ACOX1: variants seen among roughly 807,000 people sequenced by gnomAD.
ACOX1 encodes acyl-CoA oxidase 1.
A neutral mutation model predicts 75.5 loss-of-function variants in ACOX1; 41 were observed. That is an observed-to-expected ratio of 0.54 (90% confidence interval 0.42 to 0.70). The LOEUF (loss-of-function observed/expected upper bound fraction) is 0.70. Among genes scored for constraint, ACOX1 ranks in the 30% least tolerant of loss-of-function variants. The pLI, the probability that ACOX1 is intolerant of heterozygous loss-of-function variation, is 0.00. For missense variants in ACOX1, 630 were observed against 837.5 expected (o/e 0.75, Z 3.06); for synonymous variants, 303 against 298.8 (o/e 1.01, Z -0.15).
In ACOX1 at chr17:75,949,683, C is replaced by A. The variant is rs1474484352; in HGVS notation, c.1478+35G>T. 8.1e-6 allele frequency: 13 copies of A among 1,614,024 alleles called. No individual in the cohort carries two copies. The Admixed American group carries it at 1.7e-4, about 21-fold the overall frequency. On this transcript the variant is annotated intron_variant, in intron 10 of 13. Transcript: ENST00000293217. Reference sequence around the variant, plus strand: ...GCCATCTGTCAGGGCCCCAGCCCCACTGCTGCGTATTCTAGCTCTTGAGGG... The same window carrying A: ...GCCATCTGTCAGGGCCCCAGCCCCAATGCTGCGTATTCTAGCTCTTGAGGG...
At chr17:75,955,444 T>C (rs1567876840) in intron 6 of ACOX1, 122 bp downstream of exon 6, 18 of 837,202 alleles carry the variant, frequency 2.2e-5, no homozygotes, top group Non-Finnish European at 3.6e-5. Context: ...ATAACAGGAA[T>C]ATGCCAGTGT....
intron 6 of ACOX1, among the ~76,000 whole-genome samples, chr17:75,954,130 C>A (rs1196894056): frequency 6.6e-6 from 1 of 151,150 alleles, no homozygotes; most frequent in Non-Finnish European, 1.5e-5. Flanking sequence ...ACAGGAGAAT[C>A]GCTTGAACCT....
At chr17:75,954,792 G>A (rs961992571) in intron 6 of ACOX1, among the ~76,000 whole-genome samples, 2 of 151,670 alleles carry the variant, frequency 1.3e-5, no homozygotes, top group Non-Finnish European at 2.9e-5. Context: ...GGCTGGTCTT[G>A]AATTCCTGAC....
At chr17:75,962,741 C>T (rs1469179988) in intron 2 of ACOX1, among the ~76,000 whole-genome samples, 1 of 152,136 alleles carries the variant, frequency 6.6e-6, no homozygotes, top group Non-Finnish European at 1.5e-5. Context: ...AATTAAATGC[C>T]TTGCTCAGGG....
chr17:75,942,429 C>CAAAAAAAAA lies in ACOX1; in HGVS notation c.*4310_*4318dup, dbSNP rs35173085. The CAAAAAAAAA allele has an allele frequency of 6.0e-5, 4 of 66,616 alleles. No individual in the cohort carries two copies. Among genetic ancestry groups the CAAAAAAAAA allele is most frequent in the South Asian group, 5.8e-4 (1 of 1,722 alleles). 4.1% of individuals were successfully genotyped at this position (66,616 alleles called of 1,614,324 possible). A position where few individuals can be genotyped will look rare whatever the true frequency, so the allele number is the denominator to read the frequency against. On this transcript the variant is annotated 3_prime_UTR_variant, in exon 14 of 14. Transcript: ENST00000293217. ...TGGGTGAAAGAGCAAGACAACGTCT[C>CAAAAAAAAA]AAAAAAAAAAAAAAAAAAAAAAGCA...
chr17:75,955,718 G>A (rs775830818), intron 5 of ACOX1, 37 bp from the exon 6 acceptor site: 2 of 1,610,628 alleles, frequency 1.2e-6, no homozygotes, highest in East Asian at 4.5e-5. Flanking sequence ...AGATGTTTAT[G>A]CTCTGGAATT....
At chr17:75,965,355 A>C (rs1250493241) in intron 2 of ACOX1, among the ~76,000 whole-genome samples, 4 of 148,126 alleles carry the variant, frequency 2.7e-5, no homozygotes, top group Non-Finnish European at 6.0e-5. Flanking sequence ...AAAAAAAAAA[A>C]CCCAGAAAAA....
chr17:75,976,060 G>T (rs1352168055), intron 2 of ACOX1, among the ~76,000 whole-genome samples: 2 of 152,184 alleles, frequency 1.3e-5, no homozygotes. Flanking sequence ...AAACACTGGT[G>T]TGAGTTATAA....
Position 75,960,453 on chromosome 17 carries a change from A to G in ACOX1, c.270-78T>C. 2.7e-6 allele frequency: 4 copies of G among 1,486,660 alleles called. No individual in the cohort carries two copies. Among genetic ancestry groups the G allele is most frequent in the Non-Finnish European group, 3.7e-6 (4 of 1,087,036 alleles). 92.1% of individuals were successfully genotyped at this position (1,486,660 alleles called of 1,614,324 possible). A position where few individuals can be genotyped will look rare whatever the true frequency, so the allele number is the denominator to read the frequency against. On this transcript the variant is annotated intron_variant, in intron 2 of 13. Transcript: ENST00000293217. This position sits in a 1 kb window ranked among gnomAD's most constrained non-coding sequence, Gnocchi z 4.4. ...GAGAATCAGCAATTTAAATAGAGCA[A>G]GGGAAGGAGACAAAAAAACCTTAAG...
chr17:75,965,800 T>C (rs1168005838), intron 2 of ACOX1, among the ~76,000 whole-genome samples: 1 of 152,008 alleles, frequency 6.6e-6, no homozygotes, highest in Admixed American at 6.6e-5. Flanking sequence ...ACCTCTGCAC[T>C]CCAGCCTGGG....
Position 75,978,992 on chromosome 17 carries a change from C to T in ACOX1, c.82G>A (p.Glu28Lys). Residue 28 changes from glutamate (E) to lysine (K), a missense_variant, in exon 1 of 14, where the codon GAG (glutamate) becomes AAG (lysine). Physicochemically the swap from Glu to Lys is moderately conservative, Grantham distance 56. Transcript: ENST00000293217. The surrounding 1 kb of genome is among the most constrained non-coding windows in gnomAD (Gnocchi z 4.2). ...ATCTCTCGGCGGCGCCGGGTTTTCTCGGGGCTGCCGTCCAGGATGTGTGTA... is the reference window on the plus strand; with the variant it reads ...ATCTCTCGGCGGCGCCGGGTTTTCTTGGGGCTGCCGTCCAGGATGTGTGTA... ...LLTHILDGSP[E>K]KTRRRREIEN... 1.2e-6 allele frequency: 2 copies of T among 1,611,178 alleles called. No individual in the cohort carries two copies. Among genetic ancestry groups the T allele is most frequent in the Non-Finnish European group, 1.7e-6 (2 of 1,179,976 alleles).
intron 13 of ACOX1, 142 bp downstream of exon 13, chr17:75,948,109 C>A: frequency 2.5e-6 from 2 of 813,412 alleles, no homozygotes; most frequent in Non-Finnish European, 4.2e-6. Context: ...CCCTTCTGAA[C>A]CTGTTGCTCA....
At chr17:75,953,379 G>T (rs2065791794) in intron 7 of ACOX1, 72 bp downstream of exon 7, 12 of 1,566,434 alleles carry the variant, frequency 7.7e-6, no homozygotes, top group Non-Finnish European at 1.1e-5. Flanking sequence ...ATTGACATTT[G>T]GGAATTCTGG....
At position 75,941,766 on chromosome 17, in the gene ACOX1, G is replaced by A. The variant is rs1449550258; in HGVS notation, c.*4982C>T. 1 of 152,162 alleles carries A rather than the reference G, an allele frequency of 6.6e-6. No homozygotes were observed. Among genetic ancestry groups the A allele is most frequent in the African/African-American group, 2.4e-5 (1 of 41,432 alleles). 9.4% of individuals were successfully genotyped at this position (152,162 alleles called of 1,614,324 possible). ...CCAAACTCGAGCCACAACAGCAAAG[G>A]GGGAAAAAGGTAGCAAAGTAATTAT... On this transcript the variant is annotated 3_prime_UTR_variant, in exon 14 of 14. Coordinates refer to ENST00000293217, the MANE Select transcript of ACOX1 (RefSeq NM_004035.7).
chr17:75,969,119 G>T (rs148668816), intron 2 of ACOX1, among the ~76,000 whole-genome samples: 1 of 152,010 alleles, frequency 6.6e-6, no homozygotes, highest in African/African-American at 2.4e-5. Context: ...TTTCTGAGAG[G>T]TATTCCAGAA....
intron 7 of ACOX1, 141 bp from the exon 8 acceptor site, chr17:75,951,718 T>G: frequency 1.3e-6 from 1 of 791,340 alleles, no homozygotes; most frequent in South Asian, 1.6e-5. Context: ...ACTATTACTA[T>G]CTCCATTTTA....
rs1342737880 is a variant in ACOX1 at position 75,944,702 on chromosome 17, G to A, written c.*2046C>T. ...ATTATATTGAATAAAGTTCAAGACA[G>A]AACATTCCAATATTAATAAAAATAG... On this transcript the variant is annotated 3_prime_UTR_variant, in exon 14 of 14. Transcript: ENST00000293217. 1.3e-5 allele frequency: 2 copies of A among 152,030 alleles called. No individual in the cohort carries two copies. The highest frequency in any genetic ancestry group is 2.9e-5 in the Non-Finnish European group (2 of 68,006). The allele number at this position is 152,030 out of a possible 1,614,324, so 9.4% of individuals were successfully genotyped here.
intron 8 of ACOX1, 78 bp downstream of exon 8, chr17:75,951,332 ACATTT>A: frequency 1.3e-6 from 2 of 1,538,036 alleles, no homozygotes; most frequent in Non-Finnish European, 1.8e-6. Context: ...GGAAATACCA[ACATTT>A]AGTTATCTCT....
intron 2 of ACOX1, among the ~76,000 whole-genome samples, chr17:75,970,184 C>CAAAAAAAAAAAAAAAAAAAAAAAAAAAA (rs55762557): frequency 2.9e-5 from 2 of 69,094 alleles, no homozygotes; most frequent in African/African-American, 6.0e-5. Flanking sequence ...GAGACTCCTT[C>CAAAAAAAAAAAAAAAAAAAAAAAAAAAA]AAAAAAAAAA....
Sources: gnomAD v4.1 joint callset for allele counts (sites outside exome capture counted in the v4.1 genomes callset) on GRCh38, gnomAD v4.1.1 for gene constraint, Gnocchi (gnomAD v3.1) non-coding constraint, MANE v1.5 for transcripts, NCBI Gene and HGNC (gene_info 2026-07-23, HGNC 2026-07-21) for gene names.